RALGAPB: variants seen among roughly 807,000 people sequenced by gnomAD.
The protein encoded by RALGAPB is ral GTPase-activating protein subunit beta.
In RALGAPB, 25 loss-of-function variants were observed where a neutral mutation model predicts 161.1. The observed-to-expected ratio is 0.16, with a 90% CI of 0.11 to 0.22. RALGAPB has a LOEUF of 0.22. RALGAPB is among the 10% of genes least tolerant of loss of function. The pLI is 1.00. For synonymous variants in RALGAPB, 629 were observed against 626.1 expected (o/e 1.00, Z -0.07); for missense variants, 1,391 against 1,815.2 (o/e 0.77, Z 4.25).
intron 2 of RALGAPB, among the ~76,000 whole-genome samples, chr20:38,490,065 A>G (rs2085233760): frequency 6.7e-6 from 1 of 149,602 alleles, no homozygotes; most frequent in Non-Finnish European, 1.5e-5. Context: ...GCTGGAGTGC[A>G]GTGGCATGAC....
chr20:38,520,139 A>G (rs549283797), intron 9 of RALGAPB: 2 of 299,138 alleles, frequency 6.7e-6, no homozygotes, highest in Non-Finnish European at 9.9e-6. Context: ...TTAAAAAGCT[A>G]AAAAGCTTCT....
At chr20:38,475,647 C>G (rs1474153530) in intron 1 of RALGAPB, among the ~76,000 whole-genome samples, 1 of 148,540 alleles carries the variant, frequency 6.7e-6, no homozygotes, top group East Asian at 1.9e-4. Flanking sequence ...TGCAGTCTCG[C>G]TCTGTCCCCC....
At chr20:38,530,979 T>C (rs536092025) in intron 13 of RALGAPB, among the ~76,000 whole-genome samples, 188 bp from the exon 14 acceptor site, 1 of 152,148 alleles carries the variant, frequency 6.6e-6, no homozygotes, top group Non-Finnish European at 1.5e-5. Flanking sequence ...TCTAACATGT[T>C]TATTGAAAAA....
chr20:38,482,502 AC>A (rs1337834083), intron 1 of RALGAPB, among the ~76,000 whole-genome samples: 1 of 138,976 alleles, frequency 7.2e-6, no homozygotes, highest in Non-Finnish European at 1.5e-5. Context: ...ATCTCGGCTC[AC>A]TGAAACCTCA....
chr20:38,532,769 A>G lies in RALGAPB; in HGVS notation c.2155A>G (p.Asn719Asp). 6.2e-7 allele frequency: 1 copy of G among 1,613,974 alleles called. No individual in the cohort carries two copies. Among genetic ancestry groups the G allele is most frequent in the Non-Finnish European group, 8.5e-7 (1 of 1,179,844 alleles). Residue 719 changes from asparagine to aspartate, a missense_variant, in exon 15 of 30, where the codon AAT (asparagine) becomes GAT (aspartate). This residue lies in a region of RALGAPB where 946 missense variants were observed against 1,257.2 expected (regional missense o/e 0.75). Transcript: ENST00000262879. ...TAACCTGAAGAGTCATAGTCGCACC[A>G]ATAGTGGTATTAGTTCAGCAAGTGG... ...ENNLKSHSRTNSGISSASGGS... is the reference protein window; with the variant it reads ...ENNLKSHSRTDSGISSASGGS...
chr20:38,544,619 C>T (rs1422043005), intron 18 of RALGAPB, among the ~76,000 whole-genome samples: 1 of 152,100 alleles, frequency 6.6e-6, no homozygotes, highest in East Asian at 1.9e-4. Flanking sequence ...AGGCACGTGC[C>T]ACTACACCCT....
intron 7 of RALGAPB, 69 bp downstream of exon 7, chr20:38,516,439 G>T: frequency 7.5e-7 from 1 of 1,341,306 alleles, no homozygotes; most frequent in Non-Finnish European, 1.0e-6. Flanking sequence ...CTAACCCTAG[G>T]AGTTATTAGA....
intron 6 of RALGAPB, among the ~76,000 whole-genome samples, chr20:38,513,400 A>C (rs2086028098): frequency 7.0e-6 from 1 of 141,952 alleles, no homozygotes; most frequent in South Asian, 2.3e-4. Flanking sequence ...GCTACTTGGG[A>C]GGCTGAGGCA....
At chr20:38,565,530 G>C (rs2087964866) in intron 25 of RALGAPB, 52 bp downstream of exon 25, 2 of 1,583,534 alleles carry the variant, frequency 1.3e-6, no homozygotes, top group Admixed American at 1.7e-5. Context: ...TATATTCCTG[G>C]GTTGTGTGAT....
In RALGAPB at chr20:38,553,970, T is replaced by C. The variant is rs1216058435; in HGVS notation, c.3266T>C (p.Phe1089Ser). The change falls in exon 22 of 30, where the codon TTT becomes TCT. Residue 1089 changes from phenylalanine (F) to serine (S), a missense_variant. Coordinates refer to ENST00000262879, the MANE Select transcript of RALGAPB (RefSeq NM_020336.4). ...QSEEELQKRS[F>S]PDPVTDCKPP... ...GAGGAGGAATTGCAGAAGAGAAGTTTTCCTGACCCAGTTACGGATTGCAAG... is the reference window on the plus strand; with the variant it reads ...GAGGAGGAATTGCAGAAGAGAAGTTCTCCTGACCCAGTTACGGATTGCAAG... The C allele has an allele frequency of 1.2e-6, 2 of 1,613,634 alleles. No homozygotes were observed. The highest frequency in any genetic ancestry group is 3.3e-5 in the Admixed American group (2 of 59,976).
intron 13 of RALGAPB, among the ~76,000 whole-genome samples, chr20:38,530,554 G>A (rs542295455): frequency 6.6e-6 from 1 of 150,942 alleles, no homozygotes; most frequent in Non-Finnish European, 1.5e-5. Context: ...TAGTATGCCC[G>A]GCCAATTTTA....
At chr20:38,474,790 C>T (rs978825150) in intron 1 of RALGAPB, among the ~76,000 whole-genome samples, 1 of 152,216 alleles carries the variant, frequency 6.6e-6, no homozygotes, top group Non-Finnish European at 1.5e-5. Flanking sequence ...TTTTCTTCAT[C>T]TCTGTATTCC....
intron 17 of RALGAPB, among the ~76,000 whole-genome samples, chr20:38,540,715 T>C (rs1170022429): frequency 6.6e-6 from 1 of 152,216 alleles, no homozygotes; most frequent in Non-Finnish European, 1.5e-5. Flanking sequence ...GGTTACACTA[T>C]CCCAAGCTTA....
chr20:38,541,783 G>T (rs1393094934), intron 18 of RALGAPB, among the ~76,000 whole-genome samples: 1 of 152,180 alleles, frequency 6.6e-6, no homozygotes, highest in Non-Finnish European at 1.5e-5. Context: ...ATGCTGGGGA[G>T]TTGAAAGGAG....
chr20:38,551,470 A>G (rs1418475759), intron 21 of RALGAPB, among the ~76,000 whole-genome samples: 2 of 152,212 alleles, frequency 1.3e-5, no homozygotes, highest in Non-Finnish European at 2.9e-5. Context: ...CTGTAGTGAC[A>G]TGATCAGACT....
At chr20:38,561,918 T>C (rs2087799179) in intron 23 of RALGAPB, among the ~76,000 whole-genome samples, 1 of 152,362 alleles carries the variant, frequency 6.6e-6, no homozygotes, top group South Asian at 2.1e-4. Flanking sequence ...AGCACTGTTT[T>C]AGAATGAAGG....
chr20:38,531,445 A>G (rs962315575), intron 14 of RALGAPB, among the ~76,000 whole-genome samples: 2 of 152,190 alleles, frequency 1.3e-5, no homozygotes, highest in African/African-American at 4.8e-5. Context: ...GATATTCTGT[A>G]TGAGAGAAAC....
intron 22 of RALGAPB, among the ~76,000 whole-genome samples, chr20:38,556,921 T>C (rs1601044441): frequency 6.6e-6 from 1 of 152,224 alleles, no homozygotes; most frequent in African/African-American, 2.4e-5. Flanking sequence ...TGTAGTTTTA[T>C]GTCACTTAGT....
At chr20:38,491,128 T>TA (rs2085268733) in intron 2 of RALGAPB, among the ~76,000 whole-genome samples, 1 of 152,248 alleles carries the variant, frequency 6.6e-6, no homozygotes, top group East Asian at 1.9e-4. Flanking sequence ...CTTTAACACT[T>TA]ACTGCAGTTA....
Sources: allele counts gnomAD v4.1 joint callset (sites outside exome capture counted in the v4.1 genomes callset), GRCh38; gene constraint gnomAD v4.1.1; regional missense constraint gnomAD v4.1.1; transcripts MANE v1.5; gene names NCBI Gene and HGNC (gene_info 2026-07-23, HGNC 2026-07-21).